Variants in CYSTM1 observed in about 807,000 individuals in gnomAD.
The protein encoded by CYSTM1 is cysteine rich transmembrane module containing 1.
A neutral mutation model predicts 13.1 loss-of-function variants in CYSTM1; 4 were observed. The observed-to-expected ratio is 0.31, with a 90% CI of 0.15 to 0.70. CYSTM1 has a LOEUF of 0.70. Ranked by LOEUF, CYSTM1 falls within the 30% of genes least tolerant of loss-of-function variation. CYSTM1 has a pLI of 0.72. For synonymous variants in CYSTM1, 36 were observed against 42.7 expected (o/e 0.84, Z 0.62); for missense variants, 96 against 121.6 (o/e 0.79, Z 0.99).
intron 2 of CYSTM1, among the ~76,000 whole-genome samples, chr5:140,217,209 G>A (rs909493070): frequency 1.3e-4 from 20 of 152,110 alleles, no homozygotes; most frequent in Admixed American, 6.5e-5. Context: ...CAGAGACAGC[G>A]CAAGATTATA....
chr5:140,206,257 C>T (rs1581064651), intron 2 of CYSTM1, among the ~76,000 whole-genome samples: 2 of 145,328 alleles, frequency 1.4e-5, no homozygotes, highest in East Asian at 4.1e-4. Context: ...ATAATTGTAG[C>T]GCCCCCACTG....
intron 1 of CYSTM1, among the ~76,000 whole-genome samples, chr5:140,180,617 T>C (rs1371700129): frequency 2.0e-5 from 3 of 152,218 alleles, no homozygotes. Flanking sequence ...CTTGGAATGA[T>C]TCCTTTATAG....
chr5:140,191,956 G>A lies in CYSTM1; in HGVS notation c.-20-2490G>A, dbSNP rs1458575802. 2.0e-5 allele frequency among the ~76,000 whole-genome samples: 3 copies of A among 152,184 alleles called. No homozygotes were observed. In the East Asian group the frequency reaches 5.8e-4, roughly 29 times the overall value. ...ATAATTGTAGTGTTAATCACCATGA[G>A]CCTTTGCATTAGGGTTCCTAGGTCA... is the stretch of plus-strand genomic sequence containing the variant. On this transcript the variant is annotated intron_variant, in intron 1 of 2. Coordinates refer to ENST00000261811, the MANE Select transcript of CYSTM1 (RefSeq NM_032412.4).
intron 2 of CYSTM1, among the ~76,000 whole-genome samples, chr5:140,235,779 A>G (rs543399098): frequency 6.6e-6 from 1 of 152,242 alleles, no homozygotes; most frequent in South Asian, 2.1e-4. Flanking sequence ...CTACGCTTTG[A>G]TCTTGACAGT....
chr5:140,222,228 C>T (rs1330783825), intron 2 of CYSTM1, among the ~76,000 whole-genome samples: 4 of 152,258 alleles, frequency 2.6e-5, no homozygotes, highest in Non-Finnish European at 4.4e-5. Context: ...TATTATCCCC[C>T]ATGTCTTCCA....
At chr5:140,197,194 T>G (rs1040689749) in intron 2 of CYSTM1, among the ~76,000 whole-genome samples, 1 of 152,224 alleles carries the variant, frequency 6.6e-6, no homozygotes, top group Non-Finnish European at 1.5e-5. Context: ...TTAGAATAAG[T>G]GCTTCCTAGG....
chr5:140,237,891 T>C (rs550830470), intron 2 of CYSTM1, among the ~76,000 whole-genome samples: 15 of 152,168 alleles, frequency 9.9e-5, no homozygotes, highest in Non-Finnish European at 1.0e-4. Flanking sequence ...AGGATGCCAC[T>C]TCAGGATGGT....
chr5:140,223,544 A>G (rs567498944), intron 2 of CYSTM1, among the ~76,000 whole-genome samples: 1 of 152,366 alleles, frequency 6.6e-6, no homozygotes, highest in African/African-American at 2.4e-5. Context: ...CATGCTTAGT[A>G]CTGCGGCTAC....
At chr5:140,176,845 G>A (rs1763891659) in intron 1 of CYSTM1, among the ~76,000 whole-genome samples, 1 of 152,028 alleles carries the variant, frequency 6.6e-6, no homozygotes, top group African/African-American at 2.4e-5. Flanking sequence ...CGAGGCGGAC[G>A]GATCACGAGG....
At chr5:140,188,295 C>T (rs1371602144) in intron 1 of CYSTM1, among the ~76,000 whole-genome samples, 1 of 151,928 alleles carries the variant, frequency 6.6e-6, no homozygotes, top group Non-Finnish European at 1.5e-5. Flanking sequence ...GTTACCCTAA[C>T]CAGGCTGGTC....
chr5:140,227,621 AG>A, intron 2 of CYSTM1, among the ~76,000 whole-genome samples: 1 of 152,266 alleles, frequency 6.6e-6, no homozygotes, highest in African/African-American at 2.4e-5. Context: ...ACAGTGACTT[AG>A]GGAGGCAGCC....
At chr5:140,224,506 A>G (rs544374711) in intron 2 of CYSTM1, among the ~76,000 whole-genome samples, 4 of 152,206 alleles carry the variant, frequency 2.6e-5, no homozygotes, top group South Asian at 2.1e-4. Flanking sequence ...TATTTATGCA[A>G]TAGGCATTGT....
At chr5:140,191,442 G>C (rs1281157612) in intron 1 of CYSTM1, among the ~76,000 whole-genome samples, 1 of 152,212 alleles carries the variant, frequency 6.6e-6, no homozygotes, top group African/African-American at 2.4e-5. Flanking sequence ...ACATGATGAG[G>C]GGTAAGTGGG....
chr5:140,177,182 A>C (rs1293627543), intron 1 of CYSTM1, among the ~76,000 whole-genome samples: 2 of 152,336 alleles, frequency 1.3e-5, no homozygotes, highest in South Asian at 4.1e-4. Flanking sequence ...GCAACAGGAA[A>C]AATATATTTT....
intron 1 of CYSTM1, among the ~76,000 whole-genome samples, chr5:140,181,912 C>T (rs999767001): frequency 6.6e-6 from 1 of 152,230 alleles, no homozygotes; most frequent in Admixed American, 6.5e-5. Flanking sequence ...GGATCACAGG[C>T]GTGTGACACC....
At chr5:140,194,179 G>A (rs913343308) in intron 1 of CYSTM1, among the ~76,000 whole-genome samples, 6 of 152,284 alleles carry the variant, frequency 3.9e-5, no homozygotes, top group Admixed American at 1.3e-4. Flanking sequence ...AGTGCTCTAG[G>A]GACATGGTGG....
chr5:140,212,364 T>C (rs1764377626), intron 2 of CYSTM1, among the ~76,000 whole-genome samples: 1 of 152,200 alleles, frequency 6.6e-6, no homozygotes, highest in Admixed American at 6.5e-5. Context: ...TACTCACATG[T>C]TTGTGGTGAT....
intron 1 of CYSTM1, among the ~76,000 whole-genome samples, chr5:140,193,909 A>T (rs1359298982): frequency 1.3e-5 from 2 of 152,210 alleles, no homozygotes; most frequent in Non-Finnish European, 2.9e-5. Flanking sequence ...CCCCAGAGCA[A>T]TGGTGATGGT....
At position 140,230,442 on chromosome 5, in the gene CYSTM1, G is replaced by T. The variant is rs897428725; in HGVS notation, c.188-12863G>T. Among the ~76,000 whole-genome samples, 1 of 152,176 alleles carries T rather than the reference G, an allele frequency of 6.6e-6. No homozygotes were observed. The highest frequency in any genetic ancestry group is 1.5e-5 in the Non-Finnish European group (1 of 68,032). ...TAATTTTATTAGAAAAGGTTAGAGGGGTGGATTCCAGGATGAGAGATGGTT... is the reference window on the plus strand; with the variant it reads ...TAATTTTATTAGAAAAGGTTAGAGGTGTGGATTCCAGGATGAGAGATGGTT... On this transcript the variant is annotated intron_variant, in intron 2 of 2. Coordinates refer to ENST00000261811, the MANE Select transcript of CYSTM1 (RefSeq NM_032412.4). The surrounding 1 kb of genome is among the most constrained non-coding windows in gnomAD (Gnocchi z 4.1).
Sources: gnomAD v4.1 joint callset for allele counts (sites outside exome capture counted in the v4.1 genomes callset) on GRCh38, gnomAD v4.1.1 for gene constraint, Gnocchi (gnomAD v3.1) non-coding constraint, MANE v1.5 for transcripts, NCBI Gene and HGNC (gene_info 2026-07-23, HGNC 2026-07-21) for gene names.